The following MCHR2 variants were observed in gnomAD, a reference collection of about 807,000 sequenced individuals.
MCHR2 encodes the protein melanin-concentrating hormone receptor 2.
In MCHR2, 15 loss-of-function variants were observed where a neutral mutation model predicts 24.8. The ratio of observed to expected loss-of-function variants is 0.60; its 90% CI spans 0.40 to 0.93. The LOEUF (loss-of-function observed/expected upper bound fraction) is 0.93, where lower values mean the gene tolerates loss of function less well. Among genes scored for constraint, MCHR2 ranks in the 40% least tolerant of loss-of-function variants. The pLI, the probability that MCHR2 is intolerant of heterozygous loss-of-function variation, is 0.00. For missense variants in MCHR2, 386 were observed against 408.7 expected (o/e 0.94, Z 0.48); for synonymous variants, 151 against 147.6 (o/e 1.02, Z -0.17).
intron 2 of MCHR2, among the ~76,000 whole-genome samples, chr6:99,950,141 TA>T (rs1774940550): frequency 6.6e-6 from 1 of 151,992 alleles, no homozygotes; most frequent in South Asian, 2.1e-4. Context: ...AAGAATTAAA[TA>T]AAAGTGTGTC....
At chr6:99,951,389 C>A (rs888326899) in intron 2 of MCHR2, among the ~76,000 whole-genome samples, 1 of 152,090 alleles carries the variant, frequency 6.6e-6, no homozygotes, top group African/African-American at 2.4e-5. Flanking sequence ...GAGATGACTG[C>A]TAAGGGTGAG....
At chr6:99,963,457 T>G (rs1489433916) in intron 1 of MCHR2, among the ~76,000 whole-genome samples, 1 of 152,094 alleles carries the variant, frequency 6.6e-6, no homozygotes, top group African/African-American at 2.4e-5. Context: ...CCTAAATTAA[T>G]CAAACTTATT....
At chr6:99,927,552 G>A (rs1312767091) in intron 5 of MCHR2, among the ~76,000 whole-genome samples, 17 of 152,092 alleles carry the variant, frequency 1.1e-4, no homozygotes, top group South Asian at 6.2e-4. Flanking sequence ...GGTCCTTCGC[G>A]TCCCTTGTAA....
intron 4 of MCHR2, 53 bp downstream of exon 4, chr6:99,942,896 G>T: frequency 6.9e-7 from 1 of 1,456,814 alleles, no homozygotes; most frequent in Non-Finnish European, 9.4e-7. Flanking sequence ...CAAGGAGAAT[G>T]AAGTTCTTCA....
chr6:99,954,222 G>T (rs986737426), intron 2 of MCHR2, among the ~76,000 whole-genome samples: 1 of 152,126 alleles, frequency 6.6e-6, no homozygotes, highest in Non-Finnish European at 1.5e-5. Context: ...TAGCTCTGAT[G>T]CTGGACCAGT....
chr6:99,950,613 A>G (rs1182053322), intron 2 of MCHR2, among the ~76,000 whole-genome samples: 2 of 152,128 alleles, frequency 1.3e-5, no homozygotes, highest in Non-Finnish European at 2.9e-5. Flanking sequence ...TACTAATACT[A>G]TTAAGTAAAA....
intron 4 of MCHR2, among the ~76,000 whole-genome samples, chr6:99,935,916 T>C (rs1354417966): frequency 6.6e-6 from 1 of 152,040 alleles, no homozygotes; most frequent in East Asian, 1.9e-4. Context: ...GATATCTCCT[T>C]GTGGTTTTGA....
intron 3 of MCHR2, among the ~76,000 whole-genome samples, chr6:99,946,333 G>A (rs933307563): frequency 6.6e-6 from 1 of 152,132 alleles, no homozygotes. Flanking sequence ...AAGTTCTCTT[G>A]CAGAAAAACA....
chr6:99,971,638 C>T (rs1382835490), intron 1 of MCHR2, among the ~76,000 whole-genome samples: 2 of 151,258 alleles, frequency 1.3e-5, no homozygotes, highest in Non-Finnish European at 2.9e-5. Flanking sequence ...TGTCTTGTGC[C>T]AGTTTTCAAA....
chr6:99,972,922 T>A (rs1484692551), intron 1 of MCHR2, among the ~76,000 whole-genome samples: 3 of 152,122 alleles, frequency 2.0e-5, no homozygotes, highest in South Asian at 2.1e-4. Flanking sequence ...CTGTGGTCTG[T>A]GAGACAGTTT....
chr6:99,981,037 G>A (rs1775660616), intron 1 of MCHR2, among the ~76,000 whole-genome samples: 1 of 152,074 alleles, frequency 6.6e-6, no homozygotes, highest in Non-Finnish European at 1.5e-5. Context: ...TTTCAAATAG[G>A]TCAAATGCTT....
In MCHR2 at chr6:99,947,836, G is replaced by A. The variant is rs1774898416; in HGVS notation, c.318C>T (p.Cys106=). Residue 106 remains cysteine (C), a synonymous_variant, in exon 3 of 6, where the codon TGC becomes TGT. Coordinates refer to ENST00000281806, the MANE Select transcript of MCHR2 (RefSeq NM_001040179.2). The part of the protein sequence containing the change: ...GGEWVFGGPL[C]TIITSLDTCN... Reference sequence around the variant, plus strand: ...AAGTATCCAGGGATGTGATGATGGTGCAGAGAGGCCCCCCAAACACCCACT... The same window carrying A: ...AAGTATCCAGGGATGTGATGATGGTACAGAGAGGCCCCCCAAACACCCACT... 6.2e-7 allele frequency: 1 copy of A among 1,613,814 alleles called. No individual in the cohort carries two copies. Among genetic ancestry groups the A allele is most frequent in the Non-Finnish European group, 8.5e-7 (1 of 1,179,812 alleles).
At chr6:99,926,296 C>T (rs1279178439) in intron 5 of MCHR2, among the ~76,000 whole-genome samples, 4 of 152,004 alleles carry the variant, frequency 2.6e-5, no homozygotes, top group African/African-American at 4.8e-5. Context: ...AATAAACATA[C>T]GTATGCATGT....
At chr6:99,928,212 T>C (rs1774414308) in intron 5 of MCHR2, among the ~76,000 whole-genome samples, 1 of 152,198 alleles carries the variant, frequency 6.6e-6, no homozygotes, top group Non-Finnish European at 1.5e-5. Flanking sequence ...GGATAAGCTT[T>C]TTGATGCGCT....
At chr6:99,946,438 T>C (rs970811076) in intron 3 of MCHR2, among the ~76,000 whole-genome samples, 3 of 152,176 alleles carry the variant, frequency 2.0e-5, no homozygotes, top group Non-Finnish European at 2.9e-5. Context: ...ATCTGAAGAA[T>C]GGCTCATCAC....
At chr6:99,926,648 C>G (rs1430504199) in intron 5 of MCHR2, among the ~76,000 whole-genome samples, 1 of 152,166 alleles carries the variant, frequency 6.6e-6, no homozygotes, top group Non-Finnish European at 1.5e-5. Context: ...TGAGAAGTGT[C>G]TGTTCATGTC....
intron 4 of MCHR2, among the ~76,000 whole-genome samples, chr6:99,936,454 A>C (rs1443881716): frequency 6.6e-6 from 1 of 151,628 alleles, no homozygotes; most frequent in Admixed American, 6.6e-5. Flanking sequence ...TATTGAAGGG[A>C]CTTTCCTGTC....
chr6:99,956,944 A>ATG (rs3038362), intron 1 of MCHR2, among the ~76,000 whole-genome samples: 30,972 of 150,338 alleles, frequency 0.21, 3,251 homozygotes, highest in Middle Eastern at 0.29. Context: ...GCTGGACAAA[A>ATG]TGTGTGTGTG....
intron 5 of MCHR2, among the ~76,000 whole-genome samples, chr6:99,930,843 C>G (rs1348792706): frequency 6.6e-6 from 1 of 152,206 alleles, no homozygotes; most frequent in Non-Finnish European, 1.5e-5. Flanking sequence ...CTCAACTCGT[C>G]AAAGTCATTC....
Sources: gnomAD v4.1 joint callset for allele counts (sites outside exome capture counted in the v4.1 genomes callset) on GRCh38, gnomAD v4.1.1 for gene constraint, MANE v1.5 for transcripts, NCBI Gene and HGNC (gene_info 2026-07-23, HGNC 2026-07-21) for gene names.